Variants in PAPSS1 observed in about 807,000 individuals in gnomAD.
The protein encoded by PAPSS1 is 3'-phosphoadenosine 5'-phosphosulfate synthase 1.
PAPSS1 carries 50 observed loss-of-function variants against 72.0 expected under a neutral mutation model. The observed-to-expected ratio is 0.69, with a 90% CI of 0.55 to 0.88. The LOEUF (loss-of-function observed/expected upper bound fraction) is 0.88. Among genes scored for constraint, PAPSS1 ranks in the 40% least tolerant of loss-of-function variants. PAPSS1 has a pLI of 0.00. For missense variants in PAPSS1, 657 were observed against 782.2 expected (o/e 0.84, Z 1.91); for synonymous variants, 261 against 263.6 (o/e 0.99, Z 0.09).
intron 11 of PAPSS1, among the ~76,000 whole-genome samples, chr4:107,615,795 G>A (rs1300475877): frequency 6.6e-6 from 1 of 152,136 alleles, no homozygotes; most frequent in African/African-American, 2.4e-5. Context: ...AATTAAATGA[G>A]GCCAAAAGGG....
Position 107,719,891 on chromosome 4 carries a change from C to G in PAPSS1, c.60+229G>C, listed in dbSNP as rs990238798. ...GGGGCGTTCTTCCCACGAACGGTGG[C>G]TCGGACCGCACGCTGCGCCAAGCTA... On this transcript the variant is annotated intron_variant, in intron 1 of 11. Coordinates refer to ENST00000265174, the MANE Select transcript of PAPSS1 (RefSeq NM_005443.5). The G allele has an allele frequency of 1.3e-5, 17 of 1,354,700 alleles. No homozygotes were observed. The East Asian group carries it at 5.1e-4, about 40-fold the overall frequency. 83.9% of individuals were successfully genotyped at this position (1,354,700 alleles called of 1,614,324 possible).
At chr4:107,682,896 C>T (rs2522418) in intron 4 of PAPSS1, among the ~76,000 whole-genome samples, 145,698 of 152,318 alleles carry the variant, frequency 0.96, 69,752 homozygotes, top group East Asian at 1. Context: ...TAAACATAAA[C>T]AAGGATAGTA....
chr4:107,629,180 G>C (rs1578384091), intron 11 of PAPSS1, among the ~76,000 whole-genome samples: 1 of 152,260 alleles, frequency 6.6e-6, no homozygotes, highest in East Asian at 1.9e-4. Context: ...TATGAGTTCT[G>C]CTAAAACTGA....
At chr4:107,652,779 CT>C (rs1175883620) in intron 9 of PAPSS1, among the ~76,000 whole-genome samples, 1 of 152,142 alleles carries the variant, frequency 6.6e-6, no homozygotes, top group Non-Finnish European at 1.5e-5. Flanking sequence ...TGTTAAGTTT[CT>C]TTTACTTCTG....
At chr4:107,670,702 A>T (rs928978186) in intron 5 of PAPSS1, among the ~76,000 whole-genome samples, 1 of 151,730 alleles carries the variant, frequency 6.6e-6, no homozygotes, top group Non-Finnish European at 1.5e-5. Context: ...ACTACTTTTT[A>T]AAAAAAATTT....
intron 7 of PAPSS1, among the ~76,000 whole-genome samples, chr4:107,655,226 C>T (rs927920124): frequency 6.6e-6 from 1 of 151,962 alleles, no homozygotes; most frequent in Non-Finnish European, 1.5e-5. Flanking sequence ...CTGGTTAAGC[C>T]TAACATCACC....
At chr4:107,711,352 G>A (rs1316141648) in intron 1 of PAPSS1, among the ~76,000 whole-genome samples, 1 of 152,150 alleles carries the variant, frequency 6.6e-6, no homozygotes, top group Non-Finnish European at 1.5e-5. Context: ...CCTCATCAAT[G>A]ACACAAGTGG....
In PAPSS1 at chr4:107,659,990, G is replaced by A. The variant is rs142260787; in HGVS notation, c.752C>T (p.Ala251Val). Residue 251 changes from alanine (A) to valine (V), a missense_variant, in exon 6 of 12, where the codon GCG becomes GTG. Ala to Val is a moderately conservative substitution (Grantham distance 64). Around this residue, in one of 7 missense-constraint regions of PAPSS1, gnomAD observed 190 missense variants for 176.7 expected, o/e 1.07. Coordinates refer to ENST00000265174, the MANE Select transcript of PAPSS1 (RefSeq NM_005443.5). ...ENKLHLAKTD[A>V]ETLPALKINK... is the part of the protein sequence containing the mutation. ...AATTTTCAGTGCTGGTAATGTTTCC[G>A]CATCTGTTTTTGCCAAATGAAGTTT... 58 of 1,602,538 alleles carry A rather than the reference G, an allele frequency of 3.6e-5. No individual in the cohort carries two copies. The highest frequency in any genetic ancestry group is 1.7e-4 in the Middle Eastern group (1 of 5,794).
In PAPSS1 at chr4:107,631,621, T is replaced by G; in HGVS notation, c.1736+10A>C. On this transcript the variant is annotated intron_variant, in intron 11 of 11. Transcript: ENST00000265174. The stretch of plus-strand genomic sequence containing the variant: ...ACTTCAAAGATTTGTACAGAGAATG[T>G]AAGACTTACTGTTCAGAGTCATAGT... 6.3e-7 allele frequency: 1 copy of G among 1,584,148 alleles called. No individual in the cohort carries two copies. The highest frequency in any genetic ancestry group is 8.7e-7 in the Non-Finnish European group (1 of 1,153,680).
intron 5 of PAPSS1, among the ~76,000 whole-genome samples, chr4:107,675,511 A>AAT (rs1357871596): frequency 2.0e-5 from 3 of 152,232 alleles, no homozygotes; most frequent in Admixed American, 2.0e-4. Flanking sequence ...TGAATAGACC[A>AAT]ATAACAGGCT....
intron 5 of PAPSS1, among the ~76,000 whole-genome samples, chr4:107,668,734 T>A (rs1286407092): frequency 6.6e-6 from 1 of 152,146 alleles, no homozygotes; most frequent in Non-Finnish European, 1.5e-5. Context: ...GATGGCCAAC[T>A]GTGGGACCTT....
At chr4:107,717,270 T>A (rs921966762) in intron 1 of PAPSS1, among the ~76,000 whole-genome samples, 1 of 152,192 alleles carries the variant, frequency 6.6e-6, no homozygotes, top group African/African-American at 2.4e-5. Context: ...ATTATATACA[T>A]GGCTCATATT....
intron 5 of PAPSS1, among the ~76,000 whole-genome samples, chr4:107,662,943 T>A (rs1560576486): frequency 1.3e-5 from 2 of 152,326 alleles, no homozygotes; most frequent in East Asian, 3.9e-4. Context: ...GAACTACACA[T>A]ACATTTTGTA....
chr4:107,645,692 T>C (rs1413466976), intron 9 of PAPSS1, among the ~76,000 whole-genome samples: 1 of 152,224 alleles, frequency 6.6e-6, no homozygotes, highest in Non-Finnish European at 1.5e-5. Flanking sequence ...GTTAACTCCT[T>C]ATCTCCTGCT....
intron 3 of PAPSS1, 100 bp downstream of exon 3, chr4:107,693,671 T>C (rs1722998284): frequency 3.9e-6 from 3 of 770,880 alleles, no homozygotes; most frequent in African/African-American, 3.4e-5. Context: ...GGAGTAGAGT[T>C]AGCCTCAAAG....
Position 107,709,155 on chromosome 4 carries a change from A to G in PAPSS1, c.61-7870T>C, listed in dbSNP as rs143526685. Reference sequence around the variant, plus strand: ...AAACTCTTTTAAATTTAATTCAGCTAAAGTTTTTAACAATATTTTTCATAT... The same window carrying G: ...AAACTCTTTTAAATTTAATTCAGCTGAAGTTTTTAACAATATTTTTCATAT... On this transcript the variant is annotated intron_variant, in intron 1 of 11. Transcript: ENST00000265174. Among the ~76,000 whole-genome samples, 444 of 152,344 alleles carry G rather than the reference A, an allele frequency of 2.9e-3. 1 individual carries two copies. The highest frequency in any genetic ancestry group is 0.021 in the Middle Eastern group (6 of 292).
At chr4:107,715,408 G>A (rs1385873161) in intron 1 of PAPSS1, among the ~76,000 whole-genome samples, 1 of 152,130 alleles carries the variant, frequency 6.6e-6, no homozygotes, top group Non-Finnish European at 1.5e-5. Flanking sequence ...AAAGACCAAT[G>A]CCTGCCCCTG....
chr4:107,697,282 C>T (rs1297200698), intron 2 of PAPSS1, among the ~76,000 whole-genome samples: 5 of 152,180 alleles, frequency 3.3e-5, no homozygotes, highest in Non-Finnish European at 7.4e-5. Flanking sequence ...CTATCTGAGC[C>T]CTTTTAAATC....
rs142297947 is a variant in PAPSS1, at chr4:107,644,860, G to A, written c.1448C>T (p.Pro483Leu). Reference sequence around the variant, plus strand: ...GAAGATGGCCACCACTGTCGTCTCAGGATTCAGAACTCCTTCCTCCAACAC... The same window carrying A: ...GAAGATGGCCACCACTGTCGTCTCAAGATTCAGAACTCCTTCCTCCAACAC... ...AAVLEEGVLN[P>L]ETTVVAIFPS... is the part of the protein sequence containing the mutation. The change falls in exon 10 of 12, where the codon CCT (proline) becomes CTT (leucine). Residue 483 changes from proline to leucine, a missense_variant. Transcript: ENST00000265174. The A allele has an allele frequency of 6.7e-5, 108 of 1,613,728 alleles. No homozygotes were observed. Among genetic ancestry groups the A allele is most frequent in the Middle Eastern group, 6.6e-4 (4 of 6,082 alleles).
Sources: gnomAD v4.1 joint callset for allele counts (sites outside exome capture counted in the v4.1 genomes callset) on GRCh38, gnomAD v4.1.1 for gene constraint, gnomAD v4.1.1 regional missense constraint, MANE v1.5 for transcripts, NCBI Gene and HGNC (gene_info 2026-07-23, HGNC 2026-07-21) for gene names.